Variants in PPP1R16B observed in about 807,000 individuals in gnomAD.
The protein encoded by PPP1R16B is protein phosphatase 1 regulatory inhibitor subunit 16B.
PPP1R16B carries 14 observed loss-of-function variants against 61.7 expected under a neutral mutation model. That is an observed-to-expected ratio of 0.23 (90% CI 0.15 to 0.35). PPP1R16B has a LOEUF of 0.35. Among genes scored for constraint, PPP1R16B ranks in the 10% least tolerant of loss-of-function variants. The pLI, the probability that PPP1R16B is intolerant of heterozygous loss-of-function variation, is 1.00. For synonymous variants in PPP1R16B, 266 were observed against 305.3 expected, an observed-to-expected ratio of 0.87 and a Z score of 1.34; for missense variants, 547 against 752.5, an observed-to-expected ratio of 0.73 and a Z score of 3.19.
intron 2 of PPP1R16B, among the ~76,000 whole-genome samples, chr20:38,875,012 C>T (rs1170473638): frequency 6.6e-6 from 1 of 152,212 alleles, no homozygotes; most frequent in Non-Finnish European, 1.5e-5. Flanking sequence ...CTTCTTATCG[C>T]AGGCTTGTTA....
intron 2 of PPP1R16B, among the ~76,000 whole-genome samples, chr20:38,872,244 C>A (rs145945308): frequency 6.6e-6 from 1 of 152,098 alleles, no homozygotes; most frequent in Admixed American, 6.5e-5. Context: ...CTGGGTGTGA[C>A]GGCTGGGCAG....
rs2085609294 is a variant in PPP1R16B, at chr20:38,922,660, A to T, written c.*3994A>T. The T allele has an allele frequency of 6.5e-6, 1 of 152,702 alleles. No homozygotes were observed. The highest frequency in any genetic ancestry group is 2.1e-4 in the South Asian group (1 of 4,836). The allele number at this position is 152,702 out of a possible 1,614,324, so 9.5% of individuals were successfully genotyped here. A position where few individuals can be genotyped will look rare whatever the true frequency, so the allele number is the denominator to read the frequency against. The stretch of plus-strand genomic sequence containing the variant: ...AGTCTGCAGACCCCCAGCCCTCCGC[A>T]ATAATTCACCAGACCAGAAGCCACT... On this transcript the variant is annotated 3_prime_UTR_variant, in exon 11 of 11. Coordinates refer to ENST00000299824, the MANE Select transcript of PPP1R16B (RefSeq NM_015568.4).
chr20:38,861,610 T>C (rs1345819830), intron 2 of PPP1R16B, among the ~76,000 whole-genome samples: 2 of 151,844 alleles, frequency 1.3e-5, no homozygotes, highest in Non-Finnish European at 2.9e-5. Flanking sequence ...TCAGCCAGCC[T>C]GCATCAATCT....
intron 5 of PPP1R16B, among the ~76,000 whole-genome samples, chr20:38,902,085 G>T (rs2085399119): frequency 6.6e-6 from 1 of 152,192 alleles, no homozygotes. Context: ...ACTGTTTGTA[G>T]CTGTCAGTAA....
chr20:38,878,179 T>C (rs376066907), intron 2 of PPP1R16B, among the ~76,000 whole-genome samples: 25 of 152,212 alleles, frequency 1.6e-4, no homozygotes, highest in African/African-American at 6.0e-4. Context: ...ATACAAGTAG[T>C]GACTTCAATT....
chr20:38,821,807 CTT>C (rs2084774965), intron 1 of PPP1R16B, among the ~76,000 whole-genome samples: 2 of 151,920 alleles, frequency 1.3e-5, no homozygotes, highest in African/African-American at 4.8e-5. Flanking sequence ...CTTTAACAAT[CTT>C]TATTATTTCC....
rs1402844447 is a variant in PPP1R16B, at chr20:38,912,462, G to A, written c.1194+4269G>A. On this transcript the variant is annotated intron_variant, in intron 10 of 10. Transcript: ENST00000299824. ...GTGGGAGGATCTTCTGAGCCTAGGA[G>A]TTACTGGACAACATGGCAAGACCGT... Among the ~76,000 whole-genome samples, 4 of 141,248 alleles carry A rather than the reference G, an allele frequency of 2.8e-5. 1 individual carries two copies. Among genetic ancestry groups the A allele is most frequent in the Non-Finnish European group, 6.0e-5 (4 of 66,364 alleles). 92.7% of individuals were successfully genotyped at this position (141,248 alleles called of 152,430 possible).
chr20:38,883,166 G>A (rs993466279), intron 2 of PPP1R16B, among the ~76,000 whole-genome samples: 99 of 152,264 alleles, frequency 6.5e-4, no homozygotes, highest in African/African-American at 2.3e-3. Context: ...TCAGCCCCAG[G>A]GCACCCCCCG....
At chr20:38,870,584 A>G (rs891839546) in intron 2 of PPP1R16B, among the ~76,000 whole-genome samples, 90 of 152,250 alleles carry the variant, frequency 5.9e-4, no homozygotes, top group African/African-American at 2.0e-3. Context: ...TAGCACAAGC[A>G]GGGGCCCTGG....
chr20:38,812,429 C>T (rs1013751874), intron 1 of PPP1R16B, among the ~76,000 whole-genome samples: 1 of 152,136 alleles, frequency 6.6e-6, no homozygotes, highest in Non-Finnish European at 1.5e-5. Flanking sequence ...TGTGATAGGC[C>T]TTGGATTAAT....
chr20:38,875,846 A>C, intron 2 of PPP1R16B, among the ~76,000 whole-genome samples: 1 of 151,004 alleles, frequency 6.6e-6, no homozygotes, highest in African/African-American at 2.4e-5. Context: ...ACTGGGCCCG[A>C]TCTGTCTGTT....
intron 10 of PPP1R16B, among the ~76,000 whole-genome samples, chr20:38,916,579 C>T (rs2085543248): frequency 2.0e-5 from 3 of 151,734 alleles, no homozygotes; most frequent in Admixed American, 1.3e-4. Flanking sequence ...GACTTTCAGG[C>T]TTTGCACTAA....
rs1213186286 is a variant in PPP1R16B at position 38,918,407 on chromosome 20, A to G, written c.1445A>G (p.Glu482Gly). The change falls in exon 11 of 11, where the codon GAG becomes GGG. Residue 482 changes from glutamate to glycine, a missense_variant. By Grantham distance (98) the Glu-to-Gly change is moderately conservative. Transcript: ENST00000299824. The surrounding 1 kb of genome is among the most constrained non-coding windows in gnomAD (Gnocchi z 5.3). ...GAACAGAGCCCTCAGACGCTTCTGG[A>G]GCTGAAGCGGCAGCGGGCTGCAGCC... is the stretch of plus-strand genomic sequence containing the variant. ...YKEQSPQTLL[E>G]LKRQRAAAKL... 4.3e-6 allele frequency: 7 copies of G among 1,613,980 alleles called. No homozygotes were observed. The highest frequency in any genetic ancestry group is 3.3e-4 in the Middle Eastern group (2 of 6,084).
chr20:38,886,386 T>A (rs567334556), intron 2 of PPP1R16B, among the ~76,000 whole-genome samples: 79 of 152,316 alleles, frequency 5.2e-4, no homozygotes, highest in African/African-American at 1.8e-3. Flanking sequence ...CAAACACTGC[T>A]TTTGGCAGCT....
intron 1 of PPP1R16B, among the ~76,000 whole-genome samples, chr20:38,829,060 C>G (rs915403854): frequency 2.0e-5 from 3 of 152,190 alleles, no homozygotes; most frequent in African/African-American, 7.2e-5. Flanking sequence ...GGAGCTGAGT[C>G]TCTGCTTCCC....
intron 1 of PPP1R16B, among the ~76,000 whole-genome samples, chr20:38,813,886 T>A (rs2084718354): frequency 6.6e-6 from 1 of 151,722 alleles, no homozygotes; most frequent in South Asian, 2.1e-4. Flanking sequence ...AACTTCTGCT[T>A]CCCGGGTTCA....
At chr20:38,831,095 G>A (rs186515078) in intron 1 of PPP1R16B, among the ~76,000 whole-genome samples, 1 of 152,356 alleles carries the variant, frequency 6.6e-6, no homozygotes, top group Admixed American at 6.5e-5. Flanking sequence ...CACCTCCTGA[G>A]ACAGCCATTG....
chr20:38,816,902 C>G (rs968865302), intron 1 of PPP1R16B, among the ~76,000 whole-genome samples: 2 of 152,350 alleles, frequency 1.3e-5, no homozygotes, highest in Non-Finnish European at 2.9e-5. Context: ...CCTCCTCCCC[C>G]ATTAGCCAAG....
At position 38,805,718 on chromosome 20, in the gene PPP1R16B, G is replaced by C. The variant is rs1568647329; in HGVS notation, c.-176G>C. 1 of 152,290 alleles carries C rather than the reference G, an allele frequency of 6.6e-6. No homozygotes were observed. The highest frequency in any genetic ancestry group is 1.5e-5 in the Non-Finnish European group (1 of 68,106). 9.4% of individuals were successfully genotyped at this position (152,290 alleles called of 1,614,324 possible). A position where few individuals can be genotyped will look rare whatever the true frequency, so the allele number is the denominator to read the frequency against. ...GAGCAGAGCCAGCTCTGTCGCCGCT[G>C]GAGCAGCTGCGGCTCGGGGACCCAC... On this transcript the variant is annotated 5_prime_UTR_variant, in exon 1 of 11. Transcript: ENST00000299824.
Sources: allele counts gnomAD v4.1 joint callset (sites outside exome capture counted in the v4.1 genomes callset), GRCh38; gene constraint gnomAD v4.1.1; non-coding constraint Gnocchi (gnomAD v3.1); transcripts MANE v1.5; gene names NCBI Gene and HGNC (gene_info 2026-07-23, HGNC 2026-07-21).